IDE: variants seen among roughly 807,000 people sequenced by gnomAD.
The protein encoded by IDE is insulin-degrading enzyme.
Under a neutral mutation model 133.2 loss-of-function variants are expected in IDE, and 58 were observed. That is an observed-to-expected ratio of 0.44 (90% confidence interval 0.35 to 0.54). The LOEUF (loss-of-function observed/expected upper bound fraction) is 0.54. Ranked by LOEUF, IDE falls within the 20% of genes least tolerant of loss-of-function variation. The pLI is 0.00. For synonymous variants in IDE, 396 were observed against 421.3 expected, an observed-to-expected ratio of 0.94 and a Z score of 0.73; for missense variants, 981 against 1,234.0, an observed-to-expected ratio of 0.79 and a Z score of 3.07.
intron 1 of IDE, among the ~76,000 whole-genome samples, chr10:92,545,302 G>A (rs1842492375): frequency 6.6e-6 from 1 of 151,100 alleles, no homozygotes; most frequent in Non-Finnish European, 1.5e-5. Flanking sequence ...AAAGGAAAGA[G>A]GAAAAAAATT....
chr10:92,528,548 C>T (rs980725761), intron 4 of IDE, among the ~76,000 whole-genome samples: 6 of 151,536 alleles, frequency 4.0e-5, no homozygotes, highest in Admixed American at 3.9e-4. Context: ...GTTTCAGCTG[C>T]TTACACAAAC....
At chr10:92,475,582 A>G (rs1302140872) in intron 16 of IDE, among the ~76,000 whole-genome samples, 2 of 152,172 alleles carry the variant, frequency 1.3e-5, no homozygotes, top group African/African-American at 2.4e-5. Context: ...GTTGGGATGG[A>G]ACATTCAAGG....
chr10:92,488,771 TGTCTA>T (rs1363291161), intron 12 of IDE, among the ~76,000 whole-genome samples: 19 of 148,132 alleles, frequency 1.3e-4, no homozygotes, highest in African/African-American at 4.1e-4. Flanking sequence ...TACGAGACTC[TGTCTA>T]AAAAAAAAAA....
In IDE at chr10:92,452,094, T is replaced by C. The variant is rs927950011; in HGVS notation, c.*2350A>G. On this transcript the variant is annotated 3_prime_UTR_variant, in exon 25 of 25. Coordinates refer to ENST00000265986, the MANE Select transcript of IDE (RefSeq NM_004969.4). ...AAAATCATTGTTACCCAGAAACACT[T>C]TTAAAATGTTAATATAATTCACTGC... 3.3e-5 allele frequency: 5 copies of C among 152,194 alleles called. No homozygotes were observed. Among genetic ancestry groups the C allele is most frequent in the Admixed American group, 1.3e-4 (2 of 15,276 alleles). 9.4% of individuals were successfully genotyped at this position (152,194 alleles called of 1,614,324 possible).
chr10:92,539,574 G>A (rs954360285), intron 1 of IDE, among the ~76,000 whole-genome samples: 1 of 151,894 alleles, frequency 6.6e-6, no homozygotes, highest in South Asian at 2.1e-4. Context: ...GATCATCCTG[G>A]CCAACATGGT....
At chr10:92,543,048 G>A (rs1162342921) in intron 1 of IDE, among the ~76,000 whole-genome samples, 1 of 152,104 alleles carries the variant, frequency 6.6e-6, no homozygotes, top group Admixed American at 6.5e-5. Context: ...CACCTCCATT[G>A]GTCTCTCACA....
intron 1 of IDE, among the ~76,000 whole-genome samples, chr10:92,544,676 C>T (rs191621778): frequency 3.7e-4 from 56 of 152,248 alleles, no homozygotes; most frequent in African/African-American, 1.3e-3. Context: ...AGCCAGGAAA[C>T]AAAAATTAAA....
At chr10:92,551,911 A>C (rs1310189060) in intron 1 of IDE, among the ~76,000 whole-genome samples, 1 of 152,286 alleles carries the variant, frequency 6.6e-6, no homozygotes, top group East Asian at 1.9e-4. Flanking sequence ...CAAGGTAGGA[A>C]GATCACTTGA....
intron 4 of IDE, among the ~76,000 whole-genome samples, chr10:92,516,540 A>G (rs1008476358): frequency 1.3e-5 from 2 of 152,204 alleles, no homozygotes; most frequent in African/African-American, 4.8e-5. Flanking sequence ...TAAAATCCCT[A>G]TGAGATAGTA....
chr10:92,514,534 TGGGC>T (rs1362986419), intron 5 of IDE, among the ~76,000 whole-genome samples: 1 of 152,126 alleles, frequency 6.6e-6, no homozygotes, highest in East Asian at 1.9e-4. Context: ...CTTTAACTCC[TGGGC>T]TCAAGCGATC....
intron 11 of IDE, among the ~76,000 whole-genome samples, chr10:92,492,109 A>C (rs955339136): frequency 8.6e-5 from 13 of 151,876 alleles, no homozygotes; most frequent in Non-Finnish European, 1.8e-4. Context: ...AAATACAAAA[A>C]ATTAGCCGGG....
chr10:92,573,314 G>A (rs1843878026), intron 1 of IDE: 2 of 342,608 alleles, frequency 5.8e-6, no homozygotes, highest in Non-Finnish European at 8.2e-6. Flanking sequence ...AAACAAGGGA[G>A]CTGCTGTAGA....
intron 12 of IDE, 112 bp from the exon 13 acceptor site, chr10:92,487,430 T>C: frequency 1.1e-6 from 1 of 894,606 alleles, no homozygotes; most frequent in Non-Finnish European, 1.7e-6. Flanking sequence ...TCACACAGCA[T>C]TGTTTTCCAT....
chr10:92,547,488 T>C (rs1014330628), intron 1 of IDE, among the ~76,000 whole-genome samples: 1 of 152,148 alleles, frequency 6.6e-6, no homozygotes, highest in African/African-American at 2.4e-5. Context: ...AAATATCCCT[T>C]ATCAAAAATG....
chr10:92,531,481 C>A (rs1056309005), intron 4 of IDE, among the ~76,000 whole-genome samples: 17 of 152,308 alleles, frequency 1.1e-4, no homozygotes, highest in Middle Eastern at 3.4e-3. Flanking sequence ...AATCTATTAT[C>A]TTCTCCATAT....
chr10:92,477,769 G>GA (rs1037245972), intron 15 of IDE, among the ~76,000 whole-genome samples: 53 of 152,118 alleles, frequency 3.5e-4, no homozygotes, highest in African/African-American at 9.9e-4. Context: ...AAAATCAACA[G>GA]AAAAAAGAGA....
chr10:92,523,687 G>T (rs1849354268), intron 4 of IDE, among the ~76,000 whole-genome samples: 2 of 141,492 alleles, frequency 1.4e-5, no homozygotes, highest in Non-Finnish European at 1.5e-5. Flanking sequence ...GGCGACAAGA[G>T]TAAGACTCAG....
chr10:92,531,643 T>C (rs1325268196), intron 4 of IDE, 105 bp downstream of exon 4: 4 of 432,156 alleles, frequency 9.3e-6, no homozygotes, highest in African/African-American at 8.3e-5. Context: ...CCATGGGTTA[T>C]ATACATAAAT....
chr10:92,487,254 G>A lies in IDE; in HGVS notation c.1598C>T (p.Thr533Met), dbSNP rs372650195. Residue 533 changes from threonine (T) to methionine (M), a missense_variant, in exon 13 of 25, where the codon ACG (threonine) becomes ATG (methionine). By Grantham distance (81) the Thr-to-Met change is moderately conservative. Around this residue, in one of 2 missense-constraint regions of IDE, gnomAD observed 660 missense variants for 894.7 expected, o/e 0.74. Coordinates refer to ENST00000265986, the MANE Select transcript of IDE (RefSeq NM_004969.4). ...TTCTAACGGTAAAATCTCAAAATTCGTAGGAATAAATTCATTCTTTGTAGG... is the reference window on the plus strand; with the variant it reads ...TTCTAACGGTAAAATCTCAAAATTCATAGGAATAAATTCATTCTTTGTAGG... Reference protein sequence around the residue: ...KLPTKNEFIPTNFEILPLEKE... With the variant: ...KLPTKNEFIPMNFEILPLEKE... The A allele has an allele frequency of 2.2e-5, 35 of 1,612,576 alleles. No individual in the cohort carries two copies. Among genetic ancestry groups the A allele is most frequent in the Admixed American group, 1.3e-4 (8 of 59,922 alleles).
Sources: gnomAD v4.1 joint callset for allele counts (sites outside exome capture counted in the v4.1 genomes callset) on GRCh38, gnomAD v4.1.1 for gene constraint, gnomAD v4.1.1 regional missense constraint, MANE v1.5 for transcripts, NCBI Gene and HGNC (gene_info 2026-07-23, HGNC 2026-07-21) for gene names.